The following TOGARAM2 variants were observed in gnomAD, a reference collection of about 807,000 sequenced individuals.
The protein encoded by TOGARAM2 is TOG array regulator of axonemal microtubules 2, also known as TOG array regulator of axonemal microtubules protein 2.
Under a neutral mutation model 93.3 loss-of-function variants are expected in TOGARAM2, and 85 were observed. That is an observed-to-expected ratio of 0.91 (90% CI 0.76 to 1.09). TOGARAM2 has a LOEUF of 1.09. Ranked by LOEUF, TOGARAM2 falls within the 50% of genes least tolerant of loss-of-function variation. The pLI, the probability that TOGARAM2 is intolerant of heterozygous loss-of-function variation, is 0.00. For missense variants in TOGARAM2, 1,277 were observed against 1,334.5 expected (o/e 0.96, Z 0.67); for synonymous variants, 593 against 552.8 (o/e 1.07, Z -1.02).
chr2:29,017,677 T>G, intron 9 of TOGARAM2, 115 bp from the exon 10 acceptor site: 18 of 1,032,302 alleles, frequency 1.7e-5, no homozygotes, highest in Non-Finnish European at 2.5e-5. Flanking sequence ...TCCCAACATG[T>G]TGGGGGTACT....
chr2:29,022,424 G>A lies in TOGARAM2; in HGVS notation c.1511+116G>A. The A allele has an allele frequency of 2.1e-6, 3 of 1,423,764 alleles. No homozygotes were observed. The South Asian group carries it at 4.0e-5, about 19-fold the overall frequency. 88.2% of individuals were successfully genotyped at this position (1,423,764 alleles called of 1,614,324 possible). On this transcript the variant is annotated intron_variant, in intron 11 of 19. Coordinates refer to ENST00000379558, the MANE Select transcript of TOGARAM2 (RefSeq NM_199280.4). ...CACTCTGGGGTTCCAGCACCATGGA[G>A]CATAAAAGCCAGTTTGGAGGGAGGA...
chr2:28,969,151 G>T (rs187322195), intron 1 of TOGARAM2, among the ~76,000 whole-genome samples: 3 of 152,376 alleles, frequency 2.0e-5, no homozygotes, highest in Admixed American at 6.5e-5. Flanking sequence ...GATAGGCCGT[G>T]CAGAGAGGTT....
At chr2:28,976,568 A>T (rs1231894315), upstream of TOGARAM2, among the ~76,000 whole-genome samples, 1 of 152,056 alleles carries the variant, frequency 6.6e-6, no homozygotes, top group Non-Finnish European at 1.5e-5. Flanking sequence ...GGAGAGGCAC[A>T]CCCCATGTGA....
At chr2:28,960,315 C>A (rs1482136427) in intron 1 of TOGARAM2, among the ~76,000 whole-genome samples, 3 of 152,296 alleles carry the variant, frequency 2.0e-5, no homozygotes, top group East Asian at 1.9e-4. Flanking sequence ...ATTCTTATAT[C>A]TCTGAAGCTC....
chr2:28,994,959 T>C (rs1672922436), intron 2 of TOGARAM2, 97 bp downstream of exon 2: 14 of 1,433,714 alleles, frequency 9.8e-6, no homozygotes, highest in Admixed American at 2.0e-5. Context: ...GATGTGGGGA[T>C]AAAGGGCTGC....
At chr2:28,964,718 T>G (rs1248724418) in intron 1 of TOGARAM2, among the ~76,000 whole-genome samples, 1 of 148,712 alleles carries the variant, frequency 6.7e-6, no homozygotes, top group Non-Finnish European at 1.5e-5. Context: ...CACCTCCCAC[T>G]TATAAGTGAG....
At chr2:28,985,332 G>GT (rs10670919) in intron 1 of TOGARAM2, among the ~76,000 whole-genome samples, 37,259 of 149,660 alleles carry the variant, frequency 0.25, 4,902 homozygotes, top group African/African-American at 0.33. Context: ...AATTGCTGGG[G>GT]TTTTTTTTTT....
At chr2:29,011,563 C>CA in intron 7 of TOGARAM2, 62 bp downstream of exon 7, 1 of 1,493,646 alleles carries the variant, frequency 6.7e-7, no homozygotes, top group South Asian at 1.2e-5. Context: ...TGGGCTGGGT[C>CA]AGGGAAACAG....
intron 6 of TOGARAM2, among the ~76,000 whole-genome samples, chr2:29,004,383 T>C (rs1207618334): frequency 1.3e-5 from 2 of 152,226 alleles, no homozygotes; most frequent in African/African-American, 4.8e-5. Flanking sequence ...ACCAGTATCA[T>C]GTGTATGGGG....
At chr2:29,036,959 C>T (rs573570207) in intron 18 of TOGARAM2, among the ~76,000 whole-genome samples, 196 of 152,238 alleles carry the variant, frequency 1.3e-3, no homozygotes, top group South Asian at 5.4e-3. Flanking sequence ...CACCTCTGGA[C>T]GGCTGGAAGT....
chr2:28,998,994 G>A (rs1040891502), intron 3 of TOGARAM2, among the ~76,000 whole-genome samples, 187 bp from the exon 4 acceptor site: 8 of 152,140 alleles, frequency 5.3e-5, no homozygotes, highest in Non-Finnish European at 1.0e-4. Context: ...GTCTTGTGAA[G>A]ATTAGGTGCT....
At chr2:29,035,946 G>A (rs1285141385) in intron 17 of TOGARAM2, among the ~76,000 whole-genome samples, 1 of 152,148 alleles carries the variant, frequency 6.6e-6, no homozygotes, top group African/African-American at 2.4e-5. Context: ...CTTCTGGGGA[G>A]CTAGGTGCAT....
chr2:29,017,333 C>T, intron 9 of TOGARAM2, 29 bp downstream of exon 9: 2 of 1,563,150 alleles, frequency 1.3e-6, no homozygotes, highest in Non-Finnish European at 1.7e-6. Context: ...GGGATTTGCT[C>T]AGGCCTGGGG....
In TOGARAM2 at chr2:29,036,652, A is replaced by C. The variant is rs1666131624; in HGVS notation, c.2530A>C (p.Met844Leu). 1 of 1,613,924 alleles carries C rather than the reference A, an allele frequency of 6.2e-7. No individual in the cohort carries two copies. The highest frequency in any genetic ancestry group is 8.5e-7 in the Non-Finnish European group (1 of 1,179,856). Residue 844 changes from methionine to leucine, a missense_variant, in exon 18 of 20, where the codon ATG becomes CTG. By Grantham distance (15) the Met-to-Leu change is conservative. Transcript: ENST00000379558. ...CCTCCTCAGAGAGAGCTTACACCCCATGCTGCTCTCCATCATCATCACTGT... is the reference window on the plus strand; with the variant it reads ...CCTCCTCAGAGAGAGCTTACACCCCCTGCTGCTCTCCATCATCATCACTGT... The part of the protein sequence containing the change: ...IPLLRESLHP[M>L]LLSIIITVAD...
chr2:28,966,908 A>G (rs1558392781), intron 1 of TOGARAM2, among the ~76,000 whole-genome samples: 1 of 152,222 alleles, frequency 6.6e-6, no homozygotes. Flanking sequence ...AGCCTACTGC[A>G]TTTCAGAGAT....
chr2:29,037,891 C>CAT (rs1292460636), intron 18 of TOGARAM2, among the ~76,000 whole-genome samples: 1 of 152,144 alleles, frequency 6.6e-6, no homozygotes, highest in Non-Finnish European at 1.5e-5. Context: ...GGTAAATCAC[C>CAT]ATGGGCCTTG....
intron 1 of TOGARAM2, among the ~76,000 whole-genome samples, chr2:28,987,757 A>T (rs1393739871): frequency 6.6e-6 from 1 of 152,180 alleles, no homozygotes; most frequent in East Asian, 1.9e-4. Context: ...ACCCCACCTG[A>T]TCTCACGATG....
intron 14 of TOGARAM2, among the ~76,000 whole-genome samples, chr2:29,032,500 G>A (rs2148370128): frequency 6.6e-6 from 1 of 152,084 alleles, no homozygotes; most frequent in South Asian, 2.1e-4. Context: ...ACCCTTTCTG[G>A]GACTTCTAAA....
chr2:28,986,304 C>A (rs1672465281), intron 1 of TOGARAM2, among the ~76,000 whole-genome samples: 1 of 152,074 alleles, frequency 6.6e-6, no homozygotes, highest in Non-Finnish European at 1.5e-5. Flanking sequence ...TTAATTCTCA[C>A]ATCAGAATTT....
Sources: allele counts gnomAD v4.1 joint callset (sites outside exome capture counted in the v4.1 genomes callset), GRCh38; gene constraint gnomAD v4.1.1; transcripts MANE v1.5; gene names NCBI Gene and HGNC (gene_info 2026-07-23, HGNC 2026-07-21).